The following ADAMTS10 variants were observed in gnomAD, a reference collection of about 807,000 sequenced individuals.
ADAMTS10 encodes the protein A disintegrin and metalloproteinase with thrombospondin motifs 10.
In ADAMTS10, 48 loss-of-function variants were observed where a neutral mutation model predicts 135.9. The ratio of observed to expected loss-of-function variants is 0.35; its 90% CI spans 0.28 to 0.45. The LOEUF (loss-of-function observed/expected upper bound fraction) is 0.45, where lower values mean the gene tolerates loss of function less well. Among genes scored for constraint, ADAMTS10 ranks in the 20% least tolerant of loss-of-function variants. ADAMTS10 has a pLI of 1.00. For missense variants in ADAMTS10, 1,131 were observed against 1,565.2 expected, an observed-to-expected ratio of 0.72 and a Z score of 4.68; for synonymous variants, 621 against 647.5, an observed-to-expected ratio of 0.96 and a Z score of 0.62.
rs532452398 is a variant in ADAMTS10 at position 8,597,503 on chromosome 19, C to T, written c.811-186G>A. ...AAGATGGGGGTCTTGGTATGTTGCT[C>T]AGGCTGGTCTTGAACTCCTGACCTC... On this transcript the variant is annotated intron_variant, in intron 6 of 25. Coordinates refer to ENST00000597188, the MANE Select transcript of ADAMTS10 (RefSeq NM_030957.4). Among the ~76,000 whole-genome samples the T allele has an allele frequency of 3.4e-3, 521 of 152,236 alleles. 2 individuals are homozygous for T. Among genetic ancestry groups the T allele is most frequent in the Non-Finnish European group, 5.5e-3 (374 of 68,018 alleles).
In ADAMTS10 at chr19:8,605,234, T is replaced by A. The variant is rs2042707650; in HGVS notation, c.213A>T (p.Thr71=). The A allele has an allele frequency of 1.2e-6, 2 of 1,613,470 alleles. No homozygotes were observed. The highest frequency in any genetic ancestry group is 2.7e-5 in the African/African-American group (2 of 74,942). The change falls in exon 4 of 26, where the codon ACA becomes ACT. Residue 71 remains threonine, a synonymous_variant. Transcript: ENST00000597188. The surrounding 1 kb of genome is among the most constrained non-coding windows in gnomAD (Gnocchi z 7.7). ...CTTTGTAGAAGAGGCGGGACTCGGC[T>A]GTGGCCCCCGTGCCGCGGCGCTGCC... ...PRRQRRGTGA[T]AESRLFYKVA...
chr19:8,587,015 T>C, intron 18 of ADAMTS10, 119 bp from the exon 19 acceptor site: 2 of 1,043,754 alleles, frequency 1.9e-6, no homozygotes, highest in Non-Finnish European at 2.9e-6. Flanking sequence ...CACATCTAAC[T>C]GCACCCCTGC....
Position 8,585,980 on chromosome 19 carries a change from T to C in ADAMTS10, c.2660+142A>G, listed in dbSNP as rs150805658. On this transcript the variant is annotated intron_variant, in intron 22 of 25. Coordinates refer to ENST00000597188, the MANE Select transcript of ADAMTS10 (RefSeq NM_030957.4). ...ACCTTGGACTCCCCCATAACTCCTATAGAACCATCACTGCAGCACTCGGCC... is the reference window on the plus strand; with the variant it reads ...ACCTTGGACTCCCCCATAACTCCTACAGAACCATCACTGCAGCACTCGGCC... 3.6e-4 allele frequency: 503 copies of C among 1,411,308 alleles called. 4 individuals carry two copies. The East Asian group carries it at 0.011, about 32-fold the overall frequency. 87.4% of individuals were successfully genotyped at this position (1,411,308 alleles called of 1,614,324 possible). A position where few individuals can be genotyped will look rare whatever the true frequency, so the allele number is the denominator to read the frequency against.
intron 5 of ADAMTS10, 73 bp downstream of exon 5, chr19:8,603,655 A>AT: frequency 1.3e-6 from 2 of 1,599,366 alleles, no homozygotes; most frequent in Non-Finnish European, 1.7e-6. Context: ...GACTTTCTGG[A>AT]TAAAAAGACA....
At position 8,584,902 on chromosome 19, in the gene ADAMTS10, G is replaced by T. The variant is rs2042402417; in HGVS notation, c.3195C>A (p.Gly1065=). 3 of 1,548,838 alleles carry T rather than the reference G, an allele frequency of 1.9e-6. No homozygotes were observed. Among genetic ancestry groups the T allele is most frequent in the Admixed American group, 2.0e-5 (1 of 50,956 alleles). ...AKCDSPTPGD[G]PEECKDVNKV... is the part of the protein sequence containing the mutation. ...GGCTGGTCACCCACATACCTTCAGGGCCGTCCCCGGGGGTTGGGCTGTCGC... is the reference window on the plus strand; with the variant it reads ...GGCTGGTCACCCACATACCTTCAGGTCCGTCCCCGGGGGTTGGGCTGTCGC... The change falls in exon 25 of 26, where the codon GGC becomes GGA. Residue 1065 remains glycine, a synonymous_variant. Transcript: ENST00000597188.
chr19:8,605,453 C>A lies in ADAMTS10; in HGVS notation c.89-95G>T. On this transcript the variant is annotated intron_variant, in intron 3 of 25. Coordinates refer to ENST00000597188, the MANE Select transcript of ADAMTS10 (RefSeq NM_030957.4). The surrounding 1 kb of genome is among the most constrained non-coding windows in gnomAD (Gnocchi z 7.7). The stretch of plus-strand genomic sequence containing the variant: ...CTGCTGGAGCAAGTGATGCTGGCCT[C>A]ACTGACCCCCGAAATCCAGGGAGTT... 6.8e-7 allele frequency: 1 copy of A among 1,475,892 alleles called. No homozygotes were observed. The highest frequency in any genetic ancestry group is 9.2e-7 in the Non-Finnish European group (1 of 1,085,750). The allele number at this position is 1,475,892 out of a possible 1,614,324, so 91.4% of individuals were successfully genotyped here.
intron 25 of ADAMTS10, among the ~76,000 whole-genome samples, chr19:8,583,850 C>T (rs983445159): frequency 2.2e-4 from 32 of 146,644 alleles, no homozygotes; most frequent in African/African-American, 7.4e-4. Context: ...AAGTGAGTCC[C>T]GGTCTCAAAA....
chr19:8,590,995 G>C (rs1421406601), intron 15 of ADAMTS10, among the ~76,000 whole-genome samples: 2 of 152,182 alleles, frequency 1.3e-5, no homozygotes, highest in Admixed American at 1.3e-4. Context: ...CCCCAGCTGG[G>C]AGGCTGAAAA....
intron 12 of ADAMTS10, 60 bp downstream of exon 12, chr19:8,595,702 T>TAC: frequency 4.7e-4 from 422 of 894,014 alleles, no homozygotes; most frequent in Non-Finnish European, 6.4e-4. Flanking sequence ...TGGAGTTCCC[T>TAC]CCCCCAGCCC....
chr19:8,592,139 C>G lies in ADAMTS10; in HGVS notation c.1588-36G>C, dbSNP rs782759354. On this transcript the variant is annotated intron_variant, in intron 13 of 25. Transcript: ENST00000597188. ...GGAGACAGGAAGGAGTGAGTCCAGC[C>G]CGGAGGACACTCGTCGGCCCCATGC... 11 of 1,613,128 alleles carry G rather than the reference C, an allele frequency of 6.8e-6. No individual in the cohort carries two copies. The Admixed American group carries it at 1.8e-4, about 27-fold the overall frequency.
Position 8,585,783 on chromosome 19 carries a change from G to A in ADAMTS10, c.2661-123C>T, listed in dbSNP as rs73501570. ...CAGCCTCATATGGAAACTGGCACCAGGCACCTCCACATTCCACACTTGGGG... is the reference window on the plus strand; with the variant it reads ...CAGCCTCATATGGAAACTGGCACCAAGCACCTCCACATTCCACACTTGGGG... On this transcript the variant is annotated intron_variant, in intron 22 of 25. Transcript: ENST00000597188. 6.2e-3 allele frequency: 6,409 copies of A among 1,039,252 alleles called. 278 individuals carry two copies. The African/African-American group carries it at 0.09, about 15-fold the overall frequency. The allele number at this position is 1,039,252 out of a possible 1,614,324, so 64.4% of individuals were successfully genotyped here. A position where few individuals can be genotyped will look rare whatever the true frequency, so the allele number is the denominator to read the frequency against.
chr19:8,591,212 G>C (rs2042520265), intron 15 of ADAMTS10, among the ~76,000 whole-genome samples: 1 of 152,068 alleles, frequency 6.6e-6, no homozygotes, highest in Non-Finnish European at 1.5e-5. Context: ...AAAGGGAGGG[G>C]AGAGACTGGA....
At chr19:8,590,538 A>C (rs1414473115) in intron 15 of ADAMTS10, among the ~76,000 whole-genome samples, 1 of 152,096 alleles carries the variant, frequency 6.6e-6, no homozygotes, top group Non-Finnish European at 1.5e-5. Flanking sequence ...GGCTCACTGC[A>C]ACCTCCGCTT....
chr19:8,596,259 C>A lies in ADAMTS10; in HGVS notation c.1191-40G>T. On this transcript the variant is annotated intron_variant, in intron 10 of 25. Coordinates refer to ENST00000597188, the MANE Select transcript of ADAMTS10 (RefSeq NM_030957.4). This position sits in a 1 kb window ranked among gnomAD's most constrained non-coding sequence, Gnocchi z 7.2. Reference sequence around the variant, plus strand: ...GTCGGCTCTGCCGGGCGCTGAGGGACCCGCCCAGCTCCTCCCCTCCTCCCC... The same window carrying A: ...GTCGGCTCTGCCGGGCGCTGAGGGAACCGCCCAGCTCCTCCCCTCCTCCCC... The A allele has an allele frequency of 6.2e-7, 1 of 1,612,908 alleles. No homozygotes were observed. The highest frequency in any genetic ancestry group is 8.5e-7 in the Non-Finnish European group (1 of 1,180,022).
chr19:8,585,880 T>C (rs1285853978), intron 22 of ADAMTS10, among the ~76,000 whole-genome samples: 1 of 152,060 alleles, frequency 6.6e-6, no homozygotes, highest in Non-Finnish European at 1.5e-5. Context: ...CTTTGGACAA[T>C]GCGAGTGACC....
chr19:8,583,109 C>T (rs2042376159), intron 25 of ADAMTS10, among the ~76,000 whole-genome samples: 1 of 152,026 alleles, frequency 6.6e-6, no homozygotes, highest in Non-Finnish European at 1.5e-5. Context: ...ATTGCATCTC[C>T]CTTCTGGGGC....
chr19:8,586,311 G>A, intron 21 of ADAMTS10, 33 bp downstream of exon 21: 1 of 1,613,480 alleles, frequency 6.2e-7, no homozygotes, highest in Non-Finnish European at 8.5e-7. Context: ...CTCAGCCCAG[G>A]TATCTTGTGC....
intron 15 of ADAMTS10, 24 bp downstream of exon 15, chr19:8,591,776 C>G (rs372914202): frequency 1.2e-6 from 2 of 1,613,446 alleles, no homozygotes; most frequent in East Asian, 2.2e-5. Flanking sequence ...CCCCCCACCC[C>G]TCAAGGGGTT....
At chr19:8,587,043 G>A (rs1259000573) in intron 18 of ADAMTS10, 147 bp from the exon 19 acceptor site, 8 of 887,208 alleles carry the variant, frequency 9.0e-6, no homozygotes, top group Middle Eastern at 3.0e-4. Flanking sequence ...TTGTGAACCA[G>A]GTGTTTCATT....
Sources: allele counts gnomAD v4.1 joint callset (sites outside exome capture counted in the v4.1 genomes callset), GRCh38; gene constraint gnomAD v4.1.1; non-coding constraint Gnocchi (gnomAD v3.1); transcripts MANE v1.5; gene names NCBI Gene and HGNC (gene_info 2026-07-23, HGNC 2026-07-21).